Variants in FERRY3 observed in about 807,000 individuals in gnomAD.
FERRY3 encodes protein C12orf4.
At chr12:4,535,841 G>GA in the FERRY3 span, among the ~76,000 whole-genome samples, 1 of 151,758 alleles carries the variant, frequency 6.6e-6, no homozygotes, top group Non-Finnish European at 1.5e-5. The surrounding 1 kb of genome is among the most constrained non-coding windows in gnomAD (Gnocchi z 4.0). Flanking sequence ...CCACTTATAG[G>GA]AAAAAACACT....
chr12:4,508,392 A>G, the FERRY3 span, among the ~76,000 whole-genome samples: 6 of 152,220 alleles, frequency 3.9e-5, no homozygotes, highest in Admixed American at 3.9e-4. Context: ...AAACAGCCCC[A>G]ATTTTAAAGC....
the FERRY3 span, among the ~76,000 whole-genome samples, chr12:4,530,716 A>G: frequency 6.6e-6 from 1 of 152,148 alleles, no homozygotes; most frequent in Admixed American, 6.6e-5. Flanking sequence ...TAGCTATTAA[A>G]ATGATGAAGG....
the FERRY3 span, among the ~76,000 whole-genome samples, chr12:4,503,206 A>G: frequency 6.6e-6 from 1 of 152,178 alleles, no homozygotes; most frequent in Non-Finnish European, 1.5e-5. Flanking sequence ...AATTTTACCC[A>G]TTAATAAAAT....
the FERRY3 span, among the ~76,000 whole-genome samples, chr12:4,532,650 A>G: frequency 3.9e-5 from 6 of 152,146 alleles, no homozygotes; most frequent in African/African-American, 1.4e-4. Flanking sequence ...TTCTCGCTCA[A>G]TAATCCCCAG....
the FERRY3 span, among the ~76,000 whole-genome samples, chr12:4,521,438 G>C: frequency 6.6e-6 from 1 of 152,026 alleles, no homozygotes; most frequent in Admixed American, 6.6e-5. Context: ...CCACTGTCGA[G>C]ATAAAGCAAT....
the FERRY3 span, among the ~76,000 whole-genome samples, chr12:4,523,967 T>TA: frequency 1.3e-5 from 2 of 151,248 alleles, no homozygotes; most frequent in African/African-American, 4.9e-5. Context: ...ATAAAAAAAT[T>TA]TAAAAAAAAA....
the FERRY3 span, among the ~76,000 whole-genome samples, chr12:4,504,610 C>G: frequency 6.6e-6 from 1 of 152,166 alleles, no homozygotes; most frequent in South Asian, 2.1e-4. Flanking sequence ...GTTCATATAT[C>G]ACTTGATTTT....
chr12:4,513,592 T>G, the FERRY3 span, among the ~76,000 whole-genome samples: 75 of 151,988 alleles, frequency 4.9e-4, no homozygotes, highest in African/African-American at 1.8e-3. Flanking sequence ...TAACGCCACA[T>G]ATCTACAATT....
the FERRY3 span, chr12:4,500,009 A>C: frequency 3.7e-6 from 3 of 807,766 alleles, no homozygotes; most frequent in East Asian, 5.3e-5. Flanking sequence ...GATTCTACTA[A>C]CCAGATCGGA....
the FERRY3 span, among the ~76,000 whole-genome samples, chr12:4,511,018 A>G: frequency 2.7e-5 from 4 of 150,604 alleles, no homozygotes; most frequent in Non-Finnish European, 4.5e-5. Context: ...AGACACACAT[A>G]GGCTCAAAAT....
At chr12:4,494,985 A>G in the FERRY3 span, among the ~76,000 whole-genome samples, 65 of 152,334 alleles carry the variant, frequency 4.3e-4, 1 homozygote, top group East Asian at 0.012. Context: ...CTTTTAAAAT[A>G]TCTCTCAGCA....
At chr12:4,504,749 C>T in the FERRY3 span, among the ~76,000 whole-genome samples, 1 of 152,062 alleles carries the variant, frequency 6.6e-6, no homozygotes, top group Non-Finnish European at 1.5e-5. Flanking sequence ...AAAACTTATG[C>T]AACTTCTTGA....
chr12:4,528,328 G>A, the FERRY3 span, among the ~76,000 whole-genome samples: 22 of 152,106 alleles, frequency 1.4e-4, no homozygotes, highest in Admixed American at 1.0e-3. Context: ...CTACTTTTAC[G>A]TATTTTTAAA....
the FERRY3 span, chr12:4,525,274 G>GT: frequency 6.2e-7 from 1 of 1,613,406 alleles, no homozygotes. Flanking sequence ...TGTTGTTGGG[G>GT]TTTTTTAGGT....
chr12:4,508,652 C>T, the FERRY3 span, among the ~76,000 whole-genome samples: 3 of 151,438 alleles, frequency 2.0e-5, no homozygotes, highest in Non-Finnish European at 4.4e-5. Flanking sequence ...GGCTGAGGCA[C>T]GAGAATTGCT....
chr12:4,529,049 A>C, the FERRY3 span, among the ~76,000 whole-genome samples: 1 of 152,062 alleles, frequency 6.6e-6, no homozygotes, highest in Non-Finnish European at 1.5e-5. Context: ...TAAGATAATA[A>C]ATATTATTAG....
At chr12:4,510,712 A>T in the FERRY3 span, among the ~76,000 whole-genome samples, 1 of 148,718 alleles carries the variant, frequency 6.7e-6, no homozygotes, top group Non-Finnish European at 1.5e-5. Flanking sequence ...TTTTGTCACC[A>T]CCAGGCCTGC....
chr12:4,503,444 C>T, the FERRY3 span, among the ~76,000 whole-genome samples: 1 of 152,070 alleles, frequency 6.6e-6, no homozygotes, highest in Non-Finnish European at 1.5e-5. Context: ...ACTGTAAATA[C>T]TTAGATCATT....
At chr12:4,511,742 G>A in the FERRY3 span, among the ~76,000 whole-genome samples, 1 of 146,472 alleles carries the variant, frequency 6.8e-6, no homozygotes, top group South Asian at 2.2e-4. Flanking sequence ...TCAAAGCAGT[G>A]TGTAGAGGGA....
Sources: gnomAD v4.1 joint callset for allele counts (sites outside exome capture counted in the v4.1 genomes callset) on GRCh38, gnomAD v4.1.1 for gene constraint, Gnocchi (gnomAD v3.1) non-coding constraint, MANE v1.5 for transcripts, NCBI Gene and HGNC (gene_info 2026-07-23, HGNC 2026-07-21) for gene names.